The following SPOCK3 variants were observed in gnomAD, a reference collection of about 807,000 sequenced individuals.
SPOCK3 encodes testican-3.
In SPOCK3, 30 loss-of-function variants were observed where a neutral mutation model predicts 56.6. The ratio of observed to expected loss-of-function variants is 0.53; its 90% CI spans 0.40 to 0.72. SPOCK3 has a LOEUF of 0.72. SPOCK3 is among the 30% of genes least tolerant of loss of function. SPOCK3 has a pLI of 0.00. For missense variants in SPOCK3, 527 were observed against 530.0 expected, an observed-to-expected ratio of 0.99 and a Z score of 0.06; for synonymous variants, 196 against 183.3, an observed-to-expected ratio of 1.07 and a Z score of -0.56.
chr4:167,098,638 A>G (rs1037201720), intron 2 of SPOCK3, among the ~76,000 whole-genome samples: 1 of 151,996 alleles, frequency 6.6e-6, no homozygotes, highest in Non-Finnish European at 1.5e-5. Flanking sequence ...CCTACAGAAC[A>G]AAGTCCAACG....
intron 4 of SPOCK3, among the ~76,000 whole-genome samples, chr4:166,926,029 C>T (rs1296025451): frequency 6.6e-6 from 1 of 152,094 alleles, no homozygotes; most frequent in African/African-American, 2.4e-5. Flanking sequence ...CATATATTTA[C>T]ACAACCACTT....
intron 2 of SPOCK3, among the ~76,000 whole-genome samples, chr4:167,227,729 G>A (rs1323846943): frequency 6.6e-6 from 1 of 152,062 alleles, no homozygotes; most frequent in Non-Finnish European, 1.5e-5. Context: ...TTAAAAATAA[G>A]TACATAAAAT....
At chr4:167,062,366 T>G (rs1368617371) in intron 3 of SPOCK3, 126 bp downstream of exon 3, 9 of 568,632 alleles carry the variant, frequency 1.6e-5, no homozygotes, top group African/African-American at 1.3e-4. Context: ...TTGCACAAAT[T>G]TTTCCATTCA....
chr4:167,080,027 G>T (rs564201317), intron 2 of SPOCK3, among the ~76,000 whole-genome samples: 3 of 152,058 alleles, frequency 2.0e-5, no homozygotes, highest in East Asian at 1.9e-4. Context: ...CTATCTGGGG[G>T]GAGGAGGTAA....
chr4:167,031,093 C>T (rs925630386), intron 3 of SPOCK3, among the ~76,000 whole-genome samples: 1 of 151,884 alleles, frequency 6.6e-6, no homozygotes, highest in Non-Finnish European at 1.5e-5. Context: ...TAATCTTCAC[C>T]TTAATGTTTA....
At chr4:167,234,199 T>TG (rs751365001) in intron 1 of SPOCK3, 26 bp from the exon 2 acceptor site, 81 of 873,804 alleles carry the variant, frequency 9.3e-5, no homozygotes, top group African/African-American at 4.6e-4. Context: ...CAACGGGGGG[T>TG]GGGGGGGCAT....
At chr4:167,179,067 GT>G (rs1447240505) in intron 2 of SPOCK3, among the ~76,000 whole-genome samples, 3 of 152,112 alleles carry the variant, frequency 2.0e-5, no homozygotes, top group Non-Finnish European at 4.4e-5. Context: ...TGACTGACTT[GT>G]AACACTGCTA....
chr4:167,164,082 A>T (rs1309854283), intron 2 of SPOCK3, among the ~76,000 whole-genome samples: 2 of 152,136 alleles, frequency 1.3e-5, no homozygotes, highest in African/African-American at 4.8e-5. Context: ...TCTTTAAAAT[A>T]CTAAACCCAG....
intron 2 of SPOCK3, among the ~76,000 whole-genome samples, chr4:167,068,507 A>G (rs1346371416): frequency 1.3e-5 from 2 of 151,758 alleles, no homozygotes; most frequent in African/African-American, 4.8e-5. Context: ...TATTTATTAA[A>G]TTATATCATG....
chr4:166,820,924 A>G (rs1414576744), intron 6 of SPOCK3, among the ~76,000 whole-genome samples: 1 of 152,028 alleles, frequency 6.6e-6, no homozygotes, highest in Non-Finnish European at 1.5e-5. Flanking sequence ...AACCAAAAAC[A>G]CTATCGATAA....
chr4:166,889,336 G>T, intron 5 of SPOCK3, 92 bp from the exon 6 acceptor site: 1 of 773,002 alleles, frequency 1.3e-6, no homozygotes, highest in Non-Finnish European at 2.1e-6. Flanking sequence ...AATTTTTGAT[G>T]CATATAATTT....
At chr4:167,010,294 G>A (rs1055517488) in intron 3 of SPOCK3, among the ~76,000 whole-genome samples, 1 of 152,042 alleles carries the variant, frequency 6.6e-6, no homozygotes, top group South Asian at 2.1e-4. Flanking sequence ...GCTGAGGTGG[G>A]CAGATCACTT....
chr4:166,841,438 A>G (rs140535758), intron 6 of SPOCK3, among the ~76,000 whole-genome samples: 1 of 148,958 alleles, frequency 6.7e-6, no homozygotes, highest in East Asian at 1.9e-4. Flanking sequence ...AATTTCTTAA[A>G]GTAAGAAAAA....
intron 6 of SPOCK3, among the ~76,000 whole-genome samples, chr4:166,798,582 C>A (rs1384609286): frequency 1.3e-5 from 2 of 152,100 alleles, no homozygotes; most frequent in Non-Finnish European, 2.9e-5. Flanking sequence ...AAGAAAAATT[C>A]AAGAATGGCC....
intron 3 of SPOCK3, among the ~76,000 whole-genome samples, chr4:167,022,986 C>A (rs1166516442): frequency 6.6e-6 from 1 of 152,050 alleles, no homozygotes; most frequent in African/African-American, 2.4e-5. Context: ...TCCCCAAGGT[C>A]TTTCCTCCAG....
At chr4:167,036,237 C>T (rs1316933926) in intron 3 of SPOCK3, among the ~76,000 whole-genome samples, 1 of 152,084 alleles carries the variant, frequency 6.6e-6, no homozygotes, top group African/African-American at 2.4e-5. Flanking sequence ...AAATGTATTT[C>T]CCTGGATATT....
chr4:167,187,259 TTAG>T (rs1189408557), intron 2 of SPOCK3, among the ~76,000 whole-genome samples: 15 of 149,544 alleles, frequency 1.0e-4, no homozygotes, highest in African/African-American at 3.7e-4. Context: ...AGAAGCAACT[TTAG>T]GGTTCCAGTT....
At chr4:166,908,310 A>ACACC (rs1491177206) in intron 5 of SPOCK3, among the ~76,000 whole-genome samples, 6 of 124,982 alleles carry the variant, frequency 4.8e-5, no homozygotes, top group Admixed American at 2.4e-4. Flanking sequence ...ACACACACAC[A>ACACC]CCCCTACCTT....
At chr4:167,167,805 T>G (rs985906005) in intron 2 of SPOCK3, among the ~76,000 whole-genome samples, 26 of 152,246 alleles carry the variant, frequency 1.7e-4, no homozygotes, top group African/African-American at 6.0e-4. Context: ...CAGGGGACTG[T>G]TCATATCGGT....
Sources: allele counts gnomAD v4.1 joint callset (sites outside exome capture counted in the v4.1 genomes callset), GRCh38; gene constraint gnomAD v4.1.1; transcripts MANE v1.5; gene names NCBI Gene and HGNC (gene_info 2026-07-23, HGNC 2026-07-21).